The following INTS2 variants were observed in gnomAD, a reference collection of about 807,000 sequenced individuals.
INTS2 encodes KIAA1287.
Under a neutral mutation model 139.6 loss-of-function variants are expected in INTS2, and 57 were observed. The ratio of observed to expected loss-of-function variants is 0.41; its 90% CI spans 0.33 to 0.51. The LOEUF (loss-of-function observed/expected upper bound fraction) is 0.51. INTS2 is among the 20% of genes least tolerant of loss of function. The pLI is 0.28. For missense variants in INTS2, 1,196 were observed against 1,436.7 expected (o/e 0.83, Z 2.71); for synonymous variants, 473 against 493.4 (o/e 0.96, Z 0.55).
At chr17:61,887,715 A>C (rs1200709632) in intron 15 of INTS2, among the ~76,000 whole-genome samples, 1 of 152,156 alleles carries the variant, frequency 6.6e-6, no homozygotes, top group Non-Finnish European at 1.5e-5. Context: ...CAGAAATTCC[A>C]AACAAGAACT....
In INTS2 at chr17:61,893,921, A is replaced by C. The variant is rs2145931362; in HGVS notation, c.1564-22T>G. On this transcript the variant is annotated intron_variant, in intron 12 of 24. Coordinates refer to ENST00000251334, the MANE Select transcript of INTS2 (RefSeq NM_001351695.2). This position sits in a 1 kb window ranked among gnomAD's most constrained non-coding sequence, Gnocchi z 5.4. ...CAACCTAAAAGGGAAAAATAGCATT[A>C]GTAATATAATAGAACTAAATATAAA... 1 of 1,509,478 alleles carries C rather than the reference A, an allele frequency of 6.6e-7. No individual in the cohort carries two copies. Among genetic ancestry groups the C allele is most frequent in the Non-Finnish European group, 8.9e-7 (1 of 1,117,798 alleles). The allele number at this position is 1,509,478 out of a possible 1,614,324, so 93.5% of individuals were successfully genotyped here.
At chr17:61,918,575 A>T (rs1460642019) in intron 5 of INTS2, among the ~76,000 whole-genome samples, 1 of 152,092 alleles carries the variant, frequency 6.6e-6, no homozygotes, top group Non-Finnish European at 1.5e-5. Flanking sequence ...CTCACACAAT[A>T]AGTGAATGAC....
chr17:61,892,854 G>A lies in INTS2; in HGVS notation c.1698+911C>T, dbSNP rs112114492. ...CTGTAATACCAGCTACTCAGGAGGCGGAAGCAGGGGAATCACTTGAACCCA... is the reference window on the plus strand; with the variant it reads ...CTGTAATACCAGCTACTCAGGAGGCAGAAGCAGGGGAATCACTTGAACCCA... On this transcript the variant is annotated intron_variant, in intron 13 of 24. Coordinates refer to ENST00000251334, the MANE Select transcript of INTS2 (RefSeq NM_001351695.2). 2.9e-3 allele frequency among the ~76,000 whole-genome samples: 436 copies of A among 150,858 alleles called. 3 individuals are homozygous for A. Among genetic ancestry groups the A allele is most frequent in the African/African-American group, 1.0e-2 (409 of 41,096 alleles).
intron 15 of INTS2, among the ~76,000 whole-genome samples, chr17:61,889,066 A>AC (rs1167198119): frequency 1.3e-5 from 2 of 150,264 alleles, no homozygotes; most frequent in East Asian, 4.2e-4. Flanking sequence ...AACCAAAACA[A>AC]AACAAAAAAA....
chr17:61,878,170 G>C, intron 17 of INTS2, 82 bp from the exon 18 acceptor site: 1 of 806,954 alleles, frequency 1.2e-6, no homozygotes, highest in Non-Finnish European at 2.1e-6. Flanking sequence ...TCAGACTATA[G>C]ACCAAACAAA....
Position 61,869,504 on chromosome 17 carries a change from T to C in INTS2, c.3031-124A>G, listed in dbSNP as rs1051496790. On this transcript the variant is annotated intron_variant, in intron 21 of 24. Transcript: ENST00000251334. This position sits in a 1 kb window ranked among gnomAD's most constrained non-coding sequence, Gnocchi z 5.4. ...TTGCTCAGAAGGCTATAGTGCCCCA[T>C]ATGTAACCTGGCATTTCACTTTTCT... 1 of 810,236 alleles carries C rather than the reference T, an allele frequency of 1.2e-6. No individual in the cohort carries two copies. Among genetic ancestry groups the C allele is most frequent in the Non-Finnish European group, 1.9e-6 (1 of 517,048 alleles). 50.2% of individuals were successfully genotyped at this position (810,236 alleles called of 1,614,324 possible).
At chr17:61,915,547 G>A (rs140072861) in intron 5 of INTS2, among the ~76,000 whole-genome samples, 11,868 of 147,762 alleles carry the variant, frequency 0.08, 1,595 homozygotes, top group African/African-American at 0.27. Flanking sequence ...GTCCGGGCGC[G>A]GTGGCTCACG....
chr17:61,920,183 T>TC (rs2079624725), intron 4 of INTS2, among the ~76,000 whole-genome samples: 2 of 148,982 alleles, frequency 1.3e-5, no homozygotes, highest in South Asian at 4.2e-4. Flanking sequence ...TTATTTGCTT[T>TC]TTTTTTTTTT....
chr17:61,867,734 A>G lies in INTS2; in HGVS notation c.3422-8T>C. ...CCTTTATTTGTTGAAGACCTACAAC[A>G]TAAGGGAAAAAAAACATTAAGGCCA... On this transcript the variant is annotated splice_polypyrimidine_tract_variant and splice_region_variant and intron_variant, in intron 24 of 24. Transcript: ENST00000251334. The surrounding 1 kb of genome is among the most constrained non-coding windows in gnomAD (Gnocchi z 5.6). 1 of 1,575,916 alleles carries G rather than the reference A, an allele frequency of 6.3e-7. No individual in the cohort carries two copies. Among genetic ancestry groups the G allele is most frequent in the Non-Finnish European group, 8.6e-7 (1 of 1,162,726 alleles).
intron 9 of INTS2, among the ~76,000 whole-genome samples, chr17:61,898,425 G>A (rs2145938563): frequency 6.6e-6 from 1 of 152,160 alleles, no homozygotes; most frequent in African/African-American, 2.4e-5. Flanking sequence ...CTCCCAAGTA[G>A]TTGGGACTAC....
intron 3 of INTS2, among the ~76,000 whole-genome samples, chr17:61,923,161 AT>A (rs941834855): frequency 6.6e-6 from 1 of 151,870 alleles, no homozygotes; most frequent in Non-Finnish European, 1.5e-5. Flanking sequence ...TTTTAGAAAA[AT>A]TTTTTAACAT....
rs1238650651 is a variant in INTS2 at position 61,870,622 on chromosome 17, C to T, written c.2779-634G>A. Among the ~76,000 whole-genome samples the T allele has an allele frequency of 1.3e-5, 2 of 152,076 alleles. No individual in the cohort carries two copies. Among genetic ancestry groups the T allele is most frequent in the Non-Finnish European group, 2.9e-5 (2 of 68,026 alleles). The stretch of plus-strand genomic sequence containing the variant: ...GAGAGCTAAAATCACTCTCATCTAG[C>T]AGAAAGAAGTAAAAAATAAAAATGA... On this transcript the variant is annotated intron_variant, in intron 20 of 24. Transcript: ENST00000251334. The surrounding 1 kb of genome is among the most constrained non-coding windows in gnomAD (Gnocchi z 4.4).
rs556453193 is a variant in INTS2, at chr17:61,875,949, G to T, written c.2457-911C>A. On this transcript the variant is annotated intron_variant, in intron 18 of 24. Transcript: ENST00000251334. The surrounding 1 kb of genome is among the most constrained non-coding windows in gnomAD (Gnocchi z 4.6). Reference sequence around the variant, plus strand: ...TTTGGGAGGCTGAGGCAGAAGGTTCGCTTGAGCCCAGGAGTTCAAGACTAG... The same window carrying T: ...TTTGGGAGGCTGAGGCAGAAGGTTCTCTTGAGCCCAGGAGTTCAAGACTAG... 6.6e-6 allele frequency among the ~76,000 whole-genome samples: 1 copy of T among 152,008 alleles called. No homozygotes were observed. The highest frequency in any genetic ancestry group is 2.4e-5 in the African/African-American group (1 of 41,386).
intron 9 of INTS2, among the ~76,000 whole-genome samples, chr17:61,898,453 T>C (rs977954003): frequency 4.9e-4 from 74 of 151,582 alleles, no homozygotes; most frequent in African/African-American, 1.8e-3. Flanking sequence ...CGCTACTGCA[T>C]CCAGCTAATA....
At chr17:61,910,413 T>C (rs994331983) in intron 7 of INTS2, 1 of 152,088 alleles carries the variant, frequency 6.6e-6, no homozygotes, top group African/African-American at 2.4e-5. Context: ...CTGACCAACA[T>C]GGCGAAACCC....
At chr17:61,892,131 T>C (rs1384811244) in intron 13 of INTS2, among the ~76,000 whole-genome samples, 1 of 152,112 alleles carries the variant, frequency 6.6e-6, no homozygotes, top group East Asian at 1.9e-4. Context: ...TAACTATCAT[T>C]GGATGGAGGA....
chr17:61,907,144 T>C (rs934129554), intron 8 of INTS2, among the ~76,000 whole-genome samples: 5 of 152,138 alleles, frequency 3.3e-5, no homozygotes, highest in African/African-American at 1.2e-4. Context: ...CACAGGTTTC[T>C]TTAAACTGTG....
At chr17:61,908,231 A>G (rs986328825) in intron 7 of INTS2, among the ~76,000 whole-genome samples, 5 of 152,190 alleles carry the variant, frequency 3.3e-5, no homozygotes, top group African/African-American at 4.8e-5. Context: ...CCTGGCCAAC[A>G]TGGTGAAACC....
At chr17:61,924,309 T>C (rs188056896) in intron 3 of INTS2, among the ~76,000 whole-genome samples, 15 of 152,340 alleles carry the variant, frequency 9.8e-5, no homozygotes, top group Admixed American at 9.2e-4. Context: ...AAAGGTATTA[T>C]CTGCTAATAA....
Sources: gnomAD v4.1 joint callset for allele counts (sites outside exome capture counted in the v4.1 genomes callset) on GRCh38, gnomAD v4.1.1 for gene constraint, Gnocchi (gnomAD v3.1) non-coding constraint, MANE v1.5 for transcripts, NCBI Gene and HGNC (gene_info 2026-07-23, HGNC 2026-07-21) for gene names.